The following SGK3 variants were observed in gnomAD, a reference collection of about 807,000 sequenced individuals.
SGK3 encodes serum/glucocorticoid regulated kinase family member 3, also known as serine/threonine-protein kinase Sgk3.
Under a neutral mutation model 68.5 loss-of-function variants are expected in SGK3, and 47 were observed. The ratio of observed to expected loss-of-function variants is 0.69; its 90% CI spans 0.54 to 0.87. SGK3 has a LOEUF of 0.87. SGK3 is among the 40% of genes least tolerant of loss of function. The probability of loss-of-function intolerance (pLI) is 0.00; values close to 1 mark genes in which losing one functional copy is unlikely to be tolerated. For missense variants in SGK3, 479 were observed against 575.5 expected (o/e 0.83, Z 1.72); for synonymous variants, 181 against 189.1 (o/e 0.96, Z 0.35).
chr8:66,726,102 C>G (rs1340304873), intron 1 of SGK3, among the ~76,000 whole-genome samples: 1 of 152,122 alleles, frequency 6.6e-6, no homozygotes, highest in African/African-American at 2.4e-5. Flanking sequence ...TTTCTTTCAT[C>G]AGGATTTTTG....
intron 1 of SGK3, among the ~76,000 whole-genome samples, chr8:66,741,709 A>T (rs1196680771): frequency 3.9e-5 from 6 of 152,140 alleles, no homozygotes; most frequent in African/African-American, 1.2e-4. Flanking sequence ...TCTATTAAAA[A>T]TTCAAAAAAA....
rs1363249252 is a variant in SGK3, at chr8:66,857,791, GTGTGTGTA to G, written c.1321-1612_1321-1605del. On this transcript the variant is annotated intron_variant, in intron 16 of 16. Transcript: ENST00000521198. ...GGATGAGACCCTGTCTCAAAAAAGT[GTGTGTGTA>G]TGTGTGTGTGTGTGTGTGTGTGTGT... Among the ~76,000 whole-genome samples the G allele has an allele frequency of 7.0e-3, 812 of 115,556 alleles. 5 individuals carry two copies. Among genetic ancestry groups the G allele is most frequent in the African/African-American group, 0.012 (320 of 27,304 alleles). 75.8% of individuals were successfully genotyped at this position (115,556 alleles called of 152,430 possible). A position where few individuals can be genotyped will look rare whatever the true frequency, so the allele number is the denominator to read the frequency against.
At chr8:66,845,693 C>CTTATTTATTTATTTAT (rs59371496) in intron 14 of SGK3, among the ~76,000 whole-genome samples, 12 of 139,748 alleles carry the variant, frequency 8.6e-5, no homozygotes, top group Non-Finnish European at 1.4e-4. Context: ...ACCTAGCTTG[C>CTTATTTATTTATTTAT]TTATTTATTT....
At chr8:66,764,877 C>T (rs1806273156) in intron 1 of SGK3, among the ~76,000 whole-genome samples, 2 of 152,118 alleles carry the variant, frequency 1.3e-5, no homozygotes, top group African/African-American at 4.8e-5. Context: ...CATTTTGTAG[C>T]ATGTATCAGT....
chr8:66,852,953 A>G (rs936383082), intron 16 of SGK3, among the ~76,000 whole-genome samples: 2 of 152,226 alleles, frequency 1.3e-5, no homozygotes, highest in Admixed American at 6.5e-5. Context: ...AACACTGGAA[A>G]TGGAAACAGT....
chr8:66,825,354 A>G (rs1809010486), intron 6 of SGK3, among the ~76,000 whole-genome samples: 1 of 142,458 alleles, frequency 7.0e-6, no homozygotes, highest in African/African-American at 2.7e-5. Flanking sequence ...TTTTTGAGAC[A>G]GTCTCGCTCC....
intron 1 of SGK3, among the ~76,000 whole-genome samples, chr8:66,779,473 A>G (rs116249634): frequency 0.048 from 7,248 of 149,504 alleles, 223 homozygotes; most frequent in African/African-American, 0.087. Flanking sequence ...ATGTAGGTCT[A>G]AATTTATTTT....
At chr8:66,740,762 C>G (rs1418042347) in intron 1 of SGK3, among the ~76,000 whole-genome samples, 2 of 151,944 alleles carry the variant, frequency 1.3e-5, no homozygotes, top group African/African-American at 4.8e-5. Context: ...TAAAAATTAG[C>G]CAGGTGTGGT....
At chr8:66,765,019 CAT>C (rs1301939559) in intron 1 of SGK3, among the ~76,000 whole-genome samples, 6 of 152,288 alleles carry the variant, frequency 3.9e-5, no homozygotes, top group East Asian at 3.9e-4. Flanking sequence ...TGTGAACAAA[CAT>C]GTGCAAGTAA....
chr8:66,797,327 C>T (rs987083510), intron 2 of SGK3, among the ~76,000 whole-genome samples: 5 of 152,184 alleles, frequency 3.3e-5, no homozygotes, highest in Admixed American at 6.5e-5. Flanking sequence ...AATCTCTTGT[C>T]TAGTCTTATT....
At chr8:66,800,405 C>CT (rs529009180) in intron 3 of SGK3, among the ~76,000 whole-genome samples, 3,343 of 96,114 alleles carry the variant, frequency 0.035, 54 homozygotes, top group Admixed American at 0.059. Context: ...TTTTATTATA[C>CT]TTTAAGTTTT....
At position 66,747,394 on chromosome 8, in the gene SGK3, G is replaced by A. The variant is rs796926155; in HGVS notation, c.-122+34561G>A. ...TAGAATAAAAGACTATCTTCAAGTA[G>A]TTTAAACAGCCACACAGTTTTCTGA... On this transcript the variant is annotated intron_variant, in intron 1 of 16. Transcript: ENST00000521198. Among the ~76,000 whole-genome samples the A allele has an allele frequency of 5.3e-5, 8 of 152,108 alleles. No individual in the cohort carries two copies. The South Asian group carries it at 1.7e-3, about 31-fold the overall frequency.
In SGK3 at chr8:66,732,855, TA is replaced by T. The variant is rs113754626; in HGVS notation, c.-122+20033del. On this transcript the variant is annotated intron_variant, in intron 1 of 16. Transcript: ENST00000521198. ...CTGAGAGAGACCACATAAATTTTAT[TA>T]AAAAAAAAAATTATTGTTTTGATAT... 4.3e-3 allele frequency among the ~76,000 whole-genome samples: 639 copies of T among 149,308 alleles called. 3 individuals carry two copies. The highest frequency in any genetic ancestry group is 0.016 in the East Asian group (84 of 5,094).
intron 13 of SGK3, among the ~76,000 whole-genome samples, chr8:66,843,026 G>A (rs1809859490): frequency 6.6e-6 from 1 of 152,142 alleles, no homozygotes; most frequent in Non-Finnish European, 1.5e-5. Flanking sequence ...AGCTGTGATT[G>A]TGCCACTGCA....
intron 2 of SGK3, among the ~76,000 whole-genome samples, chr8:66,796,749 T>C (rs1452648906): frequency 6.6e-6 from 1 of 152,126 alleles, no homozygotes; most frequent in Non-Finnish European, 1.5e-5. Context: ...AAATTGTGAG[T>C]TTCTATGTTA....
At chr8:66,781,320 G>A (rs775447906) in intron 1 of SGK3, among the ~76,000 whole-genome samples, 3 of 152,030 alleles carry the variant, frequency 2.0e-5, no homozygotes, top group Non-Finnish European at 4.4e-5. Context: ...GTAAATTTAG[G>A]GCCTTCCTCC....
At position 66,861,877 on chromosome 8, in the gene SGK3, G is replaced by A. The variant is rs1436788606; in HGVS notation, c.*2296G>A. The A allele has an allele frequency of 6.6e-6, 1 of 151,780 alleles. No individual in the cohort carries two copies. Among genetic ancestry groups the A allele is most frequent in the African/African-American group, 2.4e-5 (1 of 41,330 alleles). 9.4% of individuals were successfully genotyped at this position (151,780 alleles called of 1,614,324 possible). A position where few individuals can be genotyped will look rare whatever the true frequency, so the allele number is the denominator to read the frequency against. ...ATTCTAGTTTCTTGTATGATTTTTTGTACTCATTCATTCCTGTTAAGCTGC... is the reference window on the plus strand; with the variant it reads ...ATTCTAGTTTCTTGTATGATTTTTTATACTCATTCATTCCTGTTAAGCTGC... On this transcript the variant is annotated 3_prime_UTR_variant, in exon 17 of 17. Transcript: ENST00000521198.
At chr8:66,781,097 G>A (rs148666735) in intron 1 of SGK3, among the ~76,000 whole-genome samples, 58 of 152,300 alleles carry the variant, frequency 3.8e-4, no homozygotes, top group African/African-American at 1.3e-3. Flanking sequence ...GGCCTTGGGC[G>A]TGTTGTATGT....
chr8:66,854,675 C>A (rs773286739), intron 16 of SGK3, among the ~76,000 whole-genome samples: 31 of 152,028 alleles, frequency 2.0e-4, no homozygotes, highest in Non-Finnish European at 4.0e-4. Flanking sequence ...ATACAGGGGT[C>A]CAGAAAGGAC....
Sources: allele counts gnomAD v4.1 joint callset (sites outside exome capture counted in the v4.1 genomes callset), GRCh38; gene constraint gnomAD v4.1.1; transcripts MANE v1.5; gene names NCBI Gene and HGNC (gene_info 2026-07-23, HGNC 2026-07-21).